PCDHGB4: variants seen among roughly 807,000 people sequenced by gnomAD.
PCDHGB4 encodes the protein protocadherin gamma subfamily B, 4.
In PCDHGB4, 38 loss-of-function variants were observed where a neutral mutation model predicts 60.5. The observed-to-expected ratio is 0.63, with a 90% CI of 0.48 to 0.82. PCDHGB4 has a LOEUF of 0.82. Among genes scored for constraint, PCDHGB4 ranks in the 40% least tolerant of loss-of-function variants. The pLI, the probability that PCDHGB4 is intolerant of heterozygous loss-of-function variation, is 0.00. For missense variants in PCDHGB4, 1,109 were observed against 1,209.6 expected, an observed-to-expected ratio of 0.92 and a Z score of 1.23; for synonymous variants, 456 against 509.7, an observed-to-expected ratio of 0.89 and a Z score of 1.42.
At chr5:141,440,113 G>A (rs1375262224) in intron 1 of PCDHGB4, 1 of 152,248 alleles carries the variant, frequency 6.6e-6, no homozygotes, top group Non-Finnish European at 1.5e-5. Context: ...ACTTACTTGT[G>A]AATGACTGAA....
rs567061101 is a variant in PCDHGB4 at position 141,432,791 on chromosome 5, C to T, written c.2397+42510C>T. The T allele has an allele frequency of 2.7e-5, 44 of 1,614,064 alleles. No homozygotes were observed. Among genetic ancestry groups the T allele is most frequent in the Admixed American group, 8.3e-5 (5 of 60,034 alleles). On this transcript the variant is annotated intron_variant, in intron 1 of 3. Coordinates refer to ENST00000519479, the MANE Select transcript of PCDHGB4 (RefSeq NM_003736.4). The surrounding 1 kb of genome is among the most constrained non-coding windows in gnomAD (Gnocchi z 6.0). ...CCAAGTCCTGGCGGACCTCGGCAGC[C>T]TCGAGTCTCCAGCTAACTCTGAAAC... is the stretch of plus-strand genomic sequence containing the variant.
At chr5:141,495,446 C>A (rs1165861519) in intron 2 of PCDHGB4, among the ~76,000 whole-genome samples, 1 of 152,220 alleles carries the variant, frequency 6.6e-6, no homozygotes, top group African/African-American at 2.4e-5. Flanking sequence ...CCCTACTTGT[C>A]CTGCTCTCTG....
At position 141,389,573 on chromosome 5, in the gene PCDHGB4, C is replaced by T. The variant is rs778800357; in HGVS notation, c.1689C>T (p.Pro563=). 2 of 1,613,242 alleles carry T rather than the reference C, an allele frequency of 1.2e-6. No individual in the cohort carries two copies. The highest frequency in any genetic ancestry group is 1.3e-5 in the African/African-American group (1 of 75,062). The change falls in exon 1 of 4, where the codon CCC becomes CCT. Residue 563 remains proline (P), a synonymous_variant. Coordinates refer to ENST00000519479, the MANE Select transcript of PCDHGB4 (RefSeq NM_003736.4). ...ACAATGCGCCACGGGTGCTGTACCC[C>T]GCGCTGGGTCCCGACGGCTCTGCGC... ...RNDNAPRVLY[P]ALGPDGSALF... is the part of the protein sequence containing the mutation.
Position 141,422,887 on chromosome 5 carries a change from C to G in PCDHGB4, c.2397+32606C>G, listed in dbSNP as rs2154549815. ...CAACGTGTCGCTGAGCCTGTTCGTG[C>G]TGGACCAGAACGACAATGCGCCCGA... On this transcript the variant is annotated intron_variant, in intron 1 of 3. Coordinates refer to ENST00000519479, the MANE Select transcript of PCDHGB4 (RefSeq NM_003736.4). The G allele has an allele frequency of 2.5e-6, 4 of 1,614,264 alleles. No homozygotes were observed. In the Middle Eastern group the frequency reaches 4.9e-4, roughly 200 times the overall value.
chr5:141,413,690 A>T lies in PCDHGB4; in HGVS notation c.2397+23409A>T, dbSNP rs553462819. On this transcript the variant is annotated intron_variant, in intron 1 of 3. Transcript: ENST00000519479. ...CCGGATGTGGGCGTGAACTCCCTGC[A>T]GAGCTATCAGCTCAGCCCCAATAAG... 9.9e-6 allele frequency: 16 copies of T among 1,613,702 alleles called. No individual in the cohort carries two copies. The East Asian group carries it at 2.9e-4, about 29-fold the overall frequency.
intron 1 of PCDHGB4, among the ~76,000 whole-genome samples, chr5:141,469,315 G>A (rs1160946697): frequency 6.6e-6 from 1 of 151,866 alleles, no homozygotes; most frequent in African/African-American, 2.4e-5. Flanking sequence ...GATGGCTCAC[G>A]CCTGTAATCC....
At chr5:141,457,784 T>G (rs1021614051) in intron 1 of PCDHGB4, among the ~76,000 whole-genome samples, 1 of 152,210 alleles carries the variant, frequency 6.6e-6, no homozygotes, top group Non-Finnish European at 1.5e-5. Flanking sequence ...TACCTGTGAG[T>G]TGGGTTATCC....
Position 141,491,732 on chromosome 5 carries a change from C to G in PCDHGB4, c.2398-3075C>G. ...GGCTCGGCGCCGCCCCGGGCGACCC[C>G]TGGGGGCGGCACTGGAGAAGCCGCC... On this transcript the variant is annotated intron_variant, in intron 1 of 3. Coordinates refer to ENST00000519479, the MANE Select transcript of PCDHGB4 (RefSeq NM_003736.4). This position sits in a 1 kb window ranked among gnomAD's most constrained non-coding sequence, Gnocchi z 6.9. The G allele has an allele frequency of 1.2e-6, 2 of 1,602,752 alleles. No individual in the cohort carries two copies. Among genetic ancestry groups the G allele is most frequent in the Non-Finnish European group, 1.7e-6 (2 of 1,175,308 alleles).
In PCDHGB4 at chr5:141,450,548, G is replaced by A. The variant is rs186010209; in HGVS notation, c.2398-44259G>A. 3.3e-4 allele frequency among the ~76,000 whole-genome samples: 50 copies of A among 151,716 alleles called. 1 individual carries two copies. Among genetic ancestry groups the A allele is most frequent in the African/African-American group, 9.9e-4 (41 of 41,366 alleles). On this transcript the variant is annotated intron_variant, in intron 1 of 3. Transcript: ENST00000519479. ...GTCACCCAGGCTGGAATGCAGTGGC[G>A]CAGTCTCGGCTCACTGCAACTTCTG... is the stretch of plus-strand genomic sequence containing the variant.
At chr5:141,404,675 G>A (rs1048688884) in intron 1 of PCDHGB4, 2 of 1,614,200 alleles carry the variant, frequency 1.2e-6, no homozygotes, top group Non-Finnish European at 1.7e-6. Flanking sequence ...TTCTACTGGT[G>A]TGGAGCTGGC....
intron 1 of PCDHGB4, chr5:141,394,896 G>A: frequency 4.3e-6 from 7 of 1,613,872 alleles, no homozygotes; most frequent in Non-Finnish European, 5.9e-6. Context: ...CTATCTCGTG[G>A]TGGCAGTGGC....
At chr5:141,403,758 T>G in intron 1 of PCDHGB4, 1 of 1,613,922 alleles carries the variant, frequency 6.2e-7, no homozygotes, top group Non-Finnish European at 8.5e-7. Context: ...GCCAGCGACC[T>G]GGATGAGGGA....
Position 141,389,170 on chromosome 5 carries a change from C to CCCTCT in PCDHGB4, c.1291_1295dup (p.Ser433ProfsTer13), listed in dbSNP as rs2091633405. The CCCTCT allele has an allele frequency of 1.9e-6, 3 of 1,614,006 alleles. No homozygotes were observed. Among genetic ancestry groups the CCCTCT allele is most frequent in the Non-Finnish European group, 2.5e-6 (3 of 1,179,886 alleles). On this transcript the variant is annotated frameshift_variant, in exon 1 of 4. Coordinates refer to ENST00000519479, the MANE Select transcript of PCDHGB4 (RefSeq NM_003736.4). LOFTEE classifies it high-confidence loss of function. ...ACGGCAACAGATCGGGGCAAGCCTC[C>CCCTCT]CCTCTCCTCCAGTTCCAGCATCACC...
chr5:141,488,705 G>T (rs1024064135), intron 1 of PCDHGB4, among the ~76,000 whole-genome samples: 1 of 152,200 alleles, frequency 6.6e-6, no homozygotes, highest in Non-Finnish European at 1.5e-5. Context: ...AGATTTTGCT[G>T]GTTCAAGCAA....
chr5:141,457,273 G>A (rs746102734), intron 1 of PCDHGB4, among the ~76,000 whole-genome samples: 7 of 152,144 alleles, frequency 4.6e-5, no homozygotes, highest in Admixed American at 1.3e-4. Context: ...CCCTCTGTGG[G>A]CCTACGAAGT....
At chr5:141,442,158 A>T (rs966591795) in intron 1 of PCDHGB4, 1 of 157,594 alleles carries the variant, frequency 6.3e-6, no homozygotes, top group African/African-American at 2.4e-5. Context: ...CTCAGCGATC[A>T]CTCTGCAAAG....
chr5:141,413,723 C>G, intron 1 of PCDHGB4: 1 of 1,613,552 alleles, frequency 6.2e-7, no homozygotes, highest in Non-Finnish European at 8.5e-7. Context: ...AAGCACTTCT[C>G]CCTAAGAGTT....
chr5:141,458,698 T>C (rs1258294275), intron 1 of PCDHGB4, among the ~76,000 whole-genome samples: 1 of 152,054 alleles, frequency 6.6e-6, no homozygotes, highest in East Asian at 1.9e-4. Context: ...GCCTCCCGAG[T>C]AGCTGGGATT....
At chr5:141,395,542 T>TTGTG (rs55729045) in intron 1 of PCDHGB4, 55 of 172,626 alleles carry the variant, frequency 3.2e-4, no homozygotes, top group East Asian at 1.2e-3. Context: ...TTGCTATTGT[T>TTGTG]TGTGTGTGTG....
Sources: allele counts gnomAD v4.1 joint callset (sites outside exome capture counted in the v4.1 genomes callset), GRCh38; gene constraint gnomAD v4.1.1; non-coding constraint Gnocchi (gnomAD v3.1); transcripts MANE v1.5; gene names NCBI Gene and HGNC (gene_info 2026-07-23, HGNC 2026-07-21).